Variants in PRKAR1B observed in about 807,000 individuals in gnomAD.
PRKAR1B encodes the protein protein kinase cAMP-dependent type I regulatory subunit beta.
A neutral mutation model predicts 46.5 loss-of-function variants in PRKAR1B; 22 were observed. The observed-to-expected ratio is 0.47, with a 90% CI of 0.34 to 0.68. The LOEUF (loss-of-function observed/expected upper bound fraction) is 0.68, where lower values mean the gene tolerates loss of function less well. PRKAR1B is among the 30% of genes least tolerant of loss of function. The pLI is 0.01. For missense variants in PRKAR1B, 445 were observed against 535.6 expected, an observed-to-expected ratio of 0.83 and a Z score of 1.67; for synonymous variants, 259 against 217.7, an observed-to-expected ratio of 1.19 and a Z score of -1.67.
chr7:726,519 G>C, intron 1 of PRKAR1B: 1 of 397,886 alleles, frequency 2.5e-6, no homozygotes, highest in African/African-American at 2.1e-5. Flanking sequence ...GACAGGACAA[G>C]GCCCAGCAGG....
intron 9 of PRKAR1B, among the ~76,000 whole-genome samples, chr7:566,281 A>T (rs1011646580): frequency 2.7e-5 from 4 of 149,322 alleles, no homozygotes; most frequent in African/African-American, 5.0e-5. Context: ...TCACCAACTC[A>T]TCTTCACCTT....
At chr7:586,235 C>T (rs1780586375) in intron 7 of PRKAR1B, among the ~76,000 whole-genome samples, 1 of 152,198 alleles carries the variant, frequency 6.6e-6, no homozygotes, top group African/African-American at 2.4e-5. Flanking sequence ...TTCTGTTACA[C>T]CTGGCATGGA....
Position 667,434 on chromosome 7 carries a change from G to C in PRKAR1B, c.440+9795C>G, listed in dbSNP as rs1785994874. 6.6e-6 allele frequency among the ~76,000 whole-genome samples: 1 copy of C among 152,164 alleles called. No individual in the cohort carries two copies. The highest frequency in any genetic ancestry group is 2.1e-4 in the South Asian group (1 of 4,834). On this transcript the variant is annotated intron_variant, in intron 4 of 10. Coordinates refer to ENST00000537384, the MANE Select transcript of PRKAR1B (RefSeq NM_001164760.2). The surrounding 1 kb of genome is among the most constrained non-coding windows in gnomAD (Gnocchi z 4.3). ...ACACACCTTAAATTCTGTGGTATCT[G>C]AGTGAGATTGTGTGTGCATGACTGT... is the stretch of plus-strand genomic sequence containing the variant.
intron 9 of PRKAR1B, among the ~76,000 whole-genome samples, chr7:566,692 C>T (rs376049346): frequency 0.77 from 17 of 22 alleles, 7 homozygotes; most frequent in Admixed American, 1. Flanking sequence ...CCATCATCAC[C>T]ATCACCTTCA....
intron 4 of PRKAR1B, among the ~76,000 whole-genome samples, chr7:654,211 TATC>T (rs1306024694): frequency 8.4e-6 from 1 of 118,890 alleles, no homozygotes; most frequent in Non-Finnish European, 1.8e-5. Flanking sequence ...TCACCATCAT[TATC>T]ACCATCTTCA....
At chr7:654,554 AC>A (rs1785090328) in intron 4 of PRKAR1B, among the ~76,000 whole-genome samples, 1 of 151,002 alleles carries the variant, frequency 6.6e-6, no homozygotes, top group Non-Finnish European at 1.5e-5. Context: ...CTTCACCATC[AC>A]CATCATCACC....
intron 7 of PRKAR1B, among the ~76,000 whole-genome samples, chr7:594,058 A>G (rs1483220762): frequency 6.6e-6 from 1 of 152,114 alleles, no homozygotes; most frequent in Non-Finnish European, 1.5e-5. Context: ...TCCAAGAGGG[A>G]AACCCAGGGT....
Position 560,381 on chromosome 7 carries a change from AATAATAAT to A in PRKAR1B, c.892-8919_892-8912del, listed in dbSNP as rs1778710335. The stretch of plus-strand genomic sequence containing the variant: ...TACAAATAATAATAATAATAATAAT[AATAATAAT>A]AAATATATTTTAAAAGAAACTTTGT... On this transcript the variant is annotated intron_variant, in intron 9 of 10. Transcript: ENST00000537384. This position sits in a 1 kb window ranked among gnomAD's most constrained non-coding sequence, Gnocchi z 4.2. 5.3e-5 allele frequency among the ~76,000 whole-genome samples: 8 copies of A among 149,588 alleles called. No individual in the cohort carries two copies. Among genetic ancestry groups the A allele is most frequent in the Non-Finnish European group, 7.4e-5 (5 of 67,400 alleles).
At chr7:633,125 A>T (rs1783861385) in intron 4 of PRKAR1B, among the ~76,000 whole-genome samples, 1 of 152,182 alleles carries the variant, frequency 6.6e-6, no homozygotes. Context: ...CAAACCCTTC[A>T]CGCTGTCAAA....
intron 8 of PRKAR1B, among the ~76,000 whole-genome samples, chr7:583,012 G>A (rs879679690): frequency 1.1e-4 from 17 of 152,192 alleles, no homozygotes; most frequent in Non-Finnish European, 1.9e-4. Flanking sequence ...GTCCCGAGCA[G>A]GCAAATAATC....
intron 6 of PRKAR1B, among the ~76,000 whole-genome samples, chr7:599,349 G>A (rs1781462257): frequency 6.6e-6 from 1 of 151,840 alleles, no homozygotes; most frequent in Non-Finnish European, 1.5e-5. Context: ...TCAGGCTGGA[G>A]TGCAATGGTG....
intron 4 of PRKAR1B, among the ~76,000 whole-genome samples, chr7:610,510 A>C (rs924538867): frequency 6.6e-6 from 1 of 152,198 alleles, no homozygotes; most frequent in Non-Finnish European, 1.5e-5. Flanking sequence ...CAGAGAGCCC[A>C]GCCTCGTGTA....
chr7:587,276 T>A (rs1345150826), intron 7 of PRKAR1B, among the ~76,000 whole-genome samples: 2 of 152,188 alleles, frequency 1.3e-5, no homozygotes. Context: ...TCCACTCCAA[T>A]CACTCACAGG....
chr7:632,513 T>C (rs931763496), intron 4 of PRKAR1B, among the ~76,000 whole-genome samples: 1 of 152,104 alleles, frequency 6.6e-6, no homozygotes, highest in Non-Finnish European at 1.5e-5. Flanking sequence ...CGCTGCCGGG[T>C]CATGGCACTG....
intron 4 of PRKAR1B, among the ~76,000 whole-genome samples, chr7:631,508 C>T (rs184585261): frequency 2.0e-5 from 3 of 152,332 alleles, no homozygotes; most frequent in Non-Finnish European, 2.9e-5. Flanking sequence ...CAGACAGAAG[C>T]CAGTCTCACA....
chr7:563,161 G>GGCAGGT (rs1778912201), intron 9 of PRKAR1B, among the ~76,000 whole-genome samples: 1 of 152,150 alleles, frequency 6.6e-6, no homozygotes, highest in African/African-American at 2.4e-5. Context: ...CAGCCACCAG[G>GGCAGGT]GCAGGTGCAG....
intron 9 of PRKAR1B, among the ~76,000 whole-genome samples, chr7:563,722 A>G (rs931298713): frequency 1.3e-5 from 2 of 151,650 alleles, no homozygotes; most frequent in African/African-American, 4.8e-5. Context: ...GTGTGTGTGC[A>G]TGGGTCTGCT....
In PRKAR1B at chr7:724,300, G is replaced by A. The variant is rs555525098; in HGVS notation, c.-23+2910C>T. Among the ~76,000 whole-genome samples the A allele has an allele frequency of 1.9e-4, 29 of 152,220 alleles. No individual in the cohort carries two copies. The South Asian group carries it at 2.3e-3, about 12-fold the overall frequency. ...GAATTGTAGCTCCCACAATTCCCAC[G>A]TGTTGTGGGAAGGACCCAGTGGGAG... is the stretch of plus-strand genomic sequence containing the variant. On this transcript the variant is annotated intron_variant, in intron 1 of 10. Coordinates refer to ENST00000537384, the MANE Select transcript of PRKAR1B (RefSeq NM_001164760.2).
intron 4 of PRKAR1B, among the ~76,000 whole-genome samples, chr7:635,945 TCCTCCACCGGCCGCGCCCTC>T (rs1784033342): frequency 8.5e-6 from 1 of 117,252 alleles, no homozygotes; most frequent in Non-Finnish European, 1.9e-5. Context: ...CGCCCACACA[TCCTCCACCGGCCGCGCCCTC>T]ACGTCCTCCA....
Sources: allele counts gnomAD v4.1 joint callset (sites outside exome capture counted in the v4.1 genomes callset), GRCh38; gene constraint gnomAD v4.1.1; non-coding constraint Gnocchi (gnomAD v3.1); transcripts MANE v1.5; gene names NCBI Gene and HGNC (gene_info 2026-07-23, HGNC 2026-07-21).